The following PCCA variants were observed in gnomAD, a reference collection of about 807,000 sequenced individuals.
PCCA encodes propionyl-CoA carboxylase alpha chain, mitochondrial.
A neutral mutation model predicts 101.3 loss-of-function variants in PCCA; 74 were observed. That is an observed-to-expected ratio of 0.73 (90% confidence interval 0.61 to 0.89). The LOEUF is 0.89. Ranked by LOEUF, PCCA falls within the 40% of genes least tolerant of loss-of-function variation. The pLI is 0.00. For missense variants in PCCA, 891 were observed against 907.0 expected, an observed-to-expected ratio of 0.98 and a Z score of 0.23; for synonymous variants, 294 against 313.6, an observed-to-expected ratio of 0.94 and a Z score of 0.66.
At chr13:100,267,195 ACTGT>A (rs1416660140) in intron 10 of PCCA, among the ~76,000 whole-genome samples, 2 of 152,104 alleles carry the variant, frequency 1.3e-5, no homozygotes, top group African/African-American at 4.8e-5. Flanking sequence ...TTTCTTGGAG[ACTGT>A]CTACTTTTAC....
chr13:100,452,727 C>T (rs1409299028), intron 21 of PCCA, among the ~76,000 whole-genome samples: 1 of 152,148 alleles, frequency 6.6e-6, no homozygotes, highest in Admixed American at 6.5e-5. Context: ...TGTCTATCTT[C>T]CTCACCTGGA....
At chr13:100,214,436 T>C (rs2152486964) in intron 7 of PCCA, among the ~76,000 whole-genome samples, 1 of 151,882 alleles carries the variant, frequency 6.6e-6, no homozygotes, top group East Asian at 1.9e-4. Context: ...TGTGTGTGTT[T>C]TTTTTTTTAG....
intron 4 of PCCA, among the ~76,000 whole-genome samples, chr13:100,131,897 T>G (rs1004382398): frequency 2.6e-5 from 4 of 152,088 alleles, no homozygotes; most frequent in African/African-American, 9.7e-5. Context: ...AATGAAAAAT[T>G]ATAGGGTGTT....
intron 21 of PCCA, among the ~76,000 whole-genome samples, chr13:100,496,747 G>A (rs2085305077): frequency 6.6e-6 from 1 of 152,192 alleles, no homozygotes; most frequent in South Asian, 2.1e-4. Context: ...GAGCCAGTAA[G>A]TAGATGTCAC....
At chr13:100,461,953 C>T (rs892430542) in intron 21 of PCCA, among the ~76,000 whole-genome samples, 49 of 152,332 alleles carry the variant, frequency 3.2e-4, no homozygotes, top group Middle Eastern at 6.8e-3. Context: ...TGCTCGGTCA[C>T]ACTCTTTGTA....
At chr13:100,252,195 C>T (rs2061800037) in intron 8 of PCCA, among the ~76,000 whole-genome samples, 1 of 152,176 alleles carries the variant, frequency 6.6e-6, no homozygotes, top group Non-Finnish European at 1.5e-5. Context: ...AGGGCCTATT[C>T]TATCCATCTA....
At chr13:100,373,494 C>T (rs988601878) in intron 19 of PCCA, among the ~76,000 whole-genome samples, 1 of 152,014 alleles carries the variant, frequency 6.6e-6, no homozygotes, top group African/African-American at 2.4e-5. Context: ...ATAAGCCAGG[C>T]GCAAAAGGAC....
intron 8 of PCCA, among the ~76,000 whole-genome samples, chr13:100,247,717 T>C (rs1453211894): frequency 2.0e-5 from 3 of 151,574 alleles, no homozygotes; most frequent in South Asian, 2.1e-4. Flanking sequence ...GGTTTCACCA[T>C]GTTGGCCAGG....
rs1460277826 is a variant in PCCA at position 100,098,947 on chromosome 13, C to A, written c.106-3936C>A. Among the ~76,000 whole-genome samples the A allele has an allele frequency of 2.6e-5, 4 of 152,168 alleles. No homozygotes were observed. The South Asian group carries it at 6.2e-4, about 24-fold the overall frequency. The stretch of plus-strand genomic sequence containing the variant: ...TCAGAGAAGGGCATGGGCTCTGTTA[C>A]AATGCATGATGAAATACCGTGTCAT... On this transcript the variant is annotated intron_variant, in intron 1 of 23. Transcript: ENST00000376285.
At chr13:100,516,762 A>AGTGTGTGTGTGTG (rs1382893777) in intron 22 of PCCA, among the ~76,000 whole-genome samples, 22,530 of 108,180 alleles carry the variant, frequency 0.21, 2,270 homozygotes, top group Non-Finnish European at 0.28. Flanking sequence ...TGTGTGTGTA[A>AGTGTGTGTGTGTG]TGTGTGTAAA....
intron 21 of PCCA, among the ~76,000 whole-genome samples, chr13:100,450,424 T>G (rs2081142974): frequency 6.6e-6 from 1 of 152,178 alleles, no homozygotes; most frequent in African/African-American, 2.4e-5. Flanking sequence ...ATTTTAATTT[T>G]CATTTTTCTG....
At chr13:100,443,404 A>C (rs1207132674) in intron 20 of PCCA, among the ~76,000 whole-genome samples, 1 of 151,492 alleles carries the variant, frequency 6.6e-6, no homozygotes, top group African/African-American at 2.4e-5. Flanking sequence ...GAGAGCTGTG[A>C]CCATGCCACT....
At chr13:100,360,940 C>T (rs547591641) in intron 18 of PCCA, among the ~76,000 whole-genome samples, 28 of 152,104 alleles carry the variant, frequency 1.8e-4, no homozygotes, top group African/African-American at 4.8e-4. Context: ...CTGGTATGTC[C>T]GTACAATGGA....
At chr13:100,269,175 A>C (rs530505421) in intron 11 of PCCA, among the ~76,000 whole-genome samples, 49 of 152,230 alleles carry the variant, frequency 3.2e-4, no homozygotes, top group African/African-American at 1.1e-3. Flanking sequence ...TGTTTGCTTT[A>C]TCAGCTACAA....
At chr13:100,428,690 G>T (rs1052965956) in intron 20 of PCCA, among the ~76,000 whole-genome samples, 1 of 152,092 alleles carries the variant, frequency 6.6e-6, no homozygotes, top group Non-Finnish European at 1.5e-5. Context: ...CCCACCCATA[G>T]CTTACTCTGA....
intron 6 of PCCA, 53 bp from the exon 7 acceptor site, chr13:100,209,279 C>T: frequency 6.5e-7 from 1 of 1,535,060 alleles, no homozygotes; most frequent in Non-Finnish European, 9.0e-7. Context: ...TGTGACTCCA[C>T]ATCATGCTCC....
At chr13:100,201,450 C>A (rs1009651065) in intron 6 of PCCA, among the ~76,000 whole-genome samples, 1 of 152,030 alleles carries the variant, frequency 6.6e-6, no homozygotes, top group Non-Finnish European at 1.5e-5. Flanking sequence ...ATGGTGGCTA[C>A]GTTTCAGTTT....
chr13:100,458,909 A>G (rs1566365805), intron 21 of PCCA, among the ~76,000 whole-genome samples: 1 of 152,166 alleles, frequency 6.6e-6, no homozygotes, highest in East Asian at 1.9e-4. Context: ...ACAGATTAGC[A>G]CAAACCGGGT....
At chr13:100,092,028 C>A (rs1354951209) in intron 1 of PCCA, among the ~76,000 whole-genome samples, 1 of 151,846 alleles carries the variant, frequency 6.6e-6, no homozygotes, top group Non-Finnish European at 1.5e-5. Flanking sequence ...TCAAGTGATT[C>A]CCTTGCCTCA....
Sources: allele counts gnomAD v4.1 joint callset (sites outside exome capture counted in the v4.1 genomes callset), GRCh38; gene constraint gnomAD v4.1.1; transcripts MANE v1.5; gene names NCBI Gene and HGNC (gene_info 2026-07-23, HGNC 2026-07-21).